The following NDUFAF6 variants were observed in gnomAD, a reference collection of about 807,000 sequenced individuals.
NDUFAF6 encodes NADH dehydrogenase (ubiquinone) complex I, assembly factor 6.
A neutral mutation model predicts 40.8 loss-of-function variants in NDUFAF6; 45 were observed. The observed-to-expected ratio is 1.10, with a 90% CI of 0.87 to 1.42. The LOEUF is 1.42. Among genes scored for constraint, NDUFAF6 ranks in the 40% most tolerant of loss-of-function variants. The probability of loss-of-function intolerance (pLI) is 0.00; values close to 1 mark genes in which losing one functional copy is unlikely to be tolerated. For synonymous variants in NDUFAF6, 185 were observed against 155.9 expected (o/e 1.19, Z -1.39); for missense variants, 435 against 418.5 (o/e 1.04, Z -0.34).
chr8:95,085,079 T>C (rs984096242), intron 2 of NDUFAF6, among the ~76,000 whole-genome samples: 2 of 152,230 alleles, frequency 1.3e-5, no homozygotes, highest in Non-Finnish European at 2.9e-5. Context: ...TATTAATGGC[T>C]ACTGGCTTTG....
intron 2 of NDUFAF6, among the ~76,000 whole-genome samples, chr8:95,082,243 G>A (rs1354302145): frequency 3.9e-5 from 6 of 152,150 alleles, no homozygotes; most frequent in Admixed American, 2.6e-4. Flanking sequence ...TTGGGAGGCC[G>A]AGGCAGGAGG....
intron 2 of NDUFAF6, among the ~76,000 whole-genome samples, chr8:94,995,972 TTCA>T (rs897998354): frequency 1.3e-5 from 2 of 152,110 alleles, no homozygotes; most frequent in African/African-American, 4.8e-5. Context: ...GAGACAGGAT[TTCA>T]TCATATTGGT....
In NDUFAF6 at chr8:95,112,340, G is replaced by A. The variant is rs558675165; in HGVS notation, n.345-3196G>A. Among the ~76,000 whole-genome samples the A allele has an allele frequency of 3.3e-5, 5 of 152,258 alleles. No homozygotes were observed. The South Asian group carries it at 1.0e-3, about 32-fold the overall frequency. ...ATGAGATCATCATGGGTTTAGGGTG[G>A]GCCCTAATCTAGTGACAGGTGTCCT... is the stretch of plus-strand genomic sequence containing the variant. On this transcript the variant is annotated intron_variant and non_coding_transcript_variant, in intron 4 of 5. Transcript: ENST00000523184.
rs577105571 is a variant in NDUFAF6 at position 94,897,727 on chromosome 8, A to G, written c.-936+1800A>G. On this transcript the variant is annotated intron_variant, in intron 1 of 14. Transcript: ENST00000396113. Reference sequence around the variant, plus strand: ...GTGCCTTTTTTTTTTTTTTTTGTATATCTCCTCTGTCGAAGCTTCACAGAT... The same window carrying G: ...GTGCCTTTTTTTTTTTTTTTTGTATGTCTCCTCTGTCGAAGCTTCACAGAT... 1.0e-4 allele frequency among the ~76,000 whole-genome samples: 8 copies of G among 78,050 alleles called. No individual in the cohort carries two copies. In the East Asian group the frequency reaches 2.1e-3, roughly 20 times the overall value. 51.2% of individuals were successfully genotyped at this position (78,050 alleles called of 152,430 possible). A position where few individuals can be genotyped will look rare whatever the true frequency, so the allele number is the denominator to read the frequency against.
chr8:94,967,618 G>A lies in NDUFAF6; in HGVS notation c.-199+9439G>A, dbSNP rs556261808. Reference sequence around the variant, plus strand: ...GGCTTAGTTGGGTGCCTCTGGCTTCGGTTCTCTCATAAGGCTGCTATCAAA... The same window carrying A: ...GGCTTAGTTGGGTGCCTCTGGCTTCAGTTCTCTCATAAGGCTGCTATCAAA... On this transcript the variant is annotated intron_variant, in intron 1 of 9. Coordinates refer to the NDUFAF6 transcript ENST00000396111. Among the ~76,000 whole-genome samples the A allele has an allele frequency of 6.8e-4, 104 of 151,962 alleles. 2 individuals carry two copies. The South Asian group carries it at 0.021, about 31-fold the overall frequency.
intron 4 of NDUFAF6, among the ~76,000 whole-genome samples, chr8:95,113,229 C>T (rs968756691): frequency 5.3e-5 from 8 of 152,138 alleles, no homozygotes; most frequent in Non-Finnish European, 1.2e-4. Context: ...AGAATCATTT[C>T]TCTATGGAGT....
At chr8:94,913,234 G>A (rs1818905157) in intron 1 of NDUFAF6, among the ~76,000 whole-genome samples, 2 of 152,172 alleles carry the variant, frequency 1.3e-5, no homozygotes, top group Admixed American at 1.3e-4. Context: ...GCCAGCAGGA[G>A]TAGGATTAAA....
intron 2 of NDUFAF6, among the ~76,000 whole-genome samples, chr8:95,002,861 G>A (rs1053455753): frequency 1.3e-5 from 2 of 152,086 alleles, no homozygotes; most frequent in Admixed American, 6.5e-5. Context: ...AAGTGGATCC[G>A]GGAACTCAAA....
chr8:94,977,122 G>C (rs1038408345), intron 1 of NDUFAF6, among the ~76,000 whole-genome samples: 13 of 138,964 alleles, frequency 9.4e-5, no homozygotes, highest in Admixed American at 4.5e-4. Context: ...CTGGGTGACA[G>C]AGTGAGACCC....
intron 2 of NDUFAF6, among the ~76,000 whole-genome samples, chr8:94,984,666 G>A (rs1825692897): frequency 6.6e-6 from 1 of 152,172 alleles, no homozygotes; most frequent in South Asian, 2.1e-4. Flanking sequence ...AGACTTTATT[G>A]GGAAAGTGGT....
chr8:94,943,664 T>G (rs909573477), intron 1 of NDUFAF6, among the ~76,000 whole-genome samples: 2 of 152,224 alleles, frequency 1.3e-5, no homozygotes, highest in Non-Finnish European at 2.9e-5. Flanking sequence ...CTAATGAGAT[T>G]CCTGGTTCAG....
intron 2 of NDUFAF6, among the ~76,000 whole-genome samples, chr8:95,013,899 C>T (rs749059751): frequency 2.0e-5 from 3 of 152,062 alleles, no homozygotes; most frequent in African/African-American, 4.8e-5. Context: ...ACCCTAATCT[C>T]AGATGACTAG....
chr8:95,008,295 A>G (rs1827087638), intron 2 of NDUFAF6, among the ~76,000 whole-genome samples: 1 of 152,210 alleles, frequency 6.6e-6, no homozygotes, highest in Non-Finnish European at 1.5e-5. Context: ...CTGTGTAAAG[A>G]AAAACTCTGA....
At chr8:94,978,098 C>CT (rs1254517863) in intron 1 of NDUFAF6, among the ~76,000 whole-genome samples, 1 of 152,124 alleles carries the variant, frequency 6.6e-6, no homozygotes, top group Non-Finnish European at 1.5e-5. Context: ...TTCGGCAACT[C>CT]TTGGGGGGCT....
intron 8 of NDUFAF6, among the ~76,000 whole-genome samples, chr8:95,057,030 A>C (rs920563796): frequency 2.6e-5 from 4 of 152,196 alleles, no homozygotes; most frequent in African/African-American, 9.7e-5. Flanking sequence ...ATTCTAAAGA[A>C]TCTATAGTCA....
At chr8:94,919,386 G>T (rs946523144) in intron 1 of NDUFAF6, among the ~76,000 whole-genome samples, 1 of 152,188 alleles carries the variant, frequency 6.6e-6, no homozygotes, top group South Asian at 2.1e-4. Flanking sequence ...ATAATTACTG[G>T]TTCTTGTTTA....
At chr8:94,906,821 G>T (rs908064244) in intron 1 of NDUFAF6, among the ~76,000 whole-genome samples, 1 of 152,186 alleles carries the variant, frequency 6.6e-6, no homozygotes, top group African/African-American at 2.4e-5. Context: ...ACCTTGTTCT[G>T]CCATTGCCCC....
At chr8:94,984,437 T>G (rs961674042) in intron 2 of NDUFAF6, among the ~76,000 whole-genome samples, 6 of 152,240 alleles carry the variant, frequency 3.9e-5, no homozygotes, top group Admixed American at 3.3e-4. Flanking sequence ...CTGATAATGT[T>G]AAGTATTTTG....
At chr8:95,056,203 C>T (rs905104190) in intron 8 of NDUFAF6, among the ~76,000 whole-genome samples, 3 of 150,978 alleles carry the variant, frequency 2.0e-5, no homozygotes, top group Admixed American at 1.3e-4. Flanking sequence ...AACGATTCCT[C>T]TTTTTTTCGA....
Sources: gnomAD v4.1 joint callset for allele counts (sites outside exome capture counted in the v4.1 genomes callset) on GRCh38, gnomAD v4.1.1 for gene constraint, MANE v1.5 for transcripts, NCBI Gene and HGNC (gene_info 2026-07-23, HGNC 2026-07-21) for gene names.